Variants in GLB1L3 observed in about 807,000 individuals in gnomAD.
The protein encoded by GLB1L3 is galactosidase beta 1 like 3.
In GLB1L3, 89 loss-of-function variants were observed where a neutral mutation model predicts 89.5. The observed-to-expected ratio is 0.99, with a 90% CI of 0.84 to 1.19. GLB1L3 has a LOEUF of 1.19. GLB1L3 is among the 50% of genes most tolerant of loss of function. The pLI is 0.00. For synonymous variants in GLB1L3, 314 were observed against 312.3 expected (o/e 1.01, Z -0.06); for missense variants, 812 against 813.3 (o/e 1.00, Z 0.02).
intron 5 of GLB1L3, 103 bp from the exon 6 acceptor site, chr11:134,283,634 G>A (rs986245322): frequency 8.9e-4 from 564 of 632,758 alleles, no homozygotes; most frequent in Non-Finnish European, 6.5e-4. Flanking sequence ...GGGGGTGTGA[G>A]GCAGCTGGGC....
Position 134,314,346 on chromosome 11 carries a change from T to C in GLB1L3, c.1684T>C (p.Trp562Arg), listed in dbSNP as rs1248067869. ...TTCTTCCAGGCTCCGCTCTGCCACC[T>C]GGAAGCCTGTCCCAGACAGCCACCA... ...SFFERLRSAT[W>R]KPVPDSHQGP... is the part of the protein sequence containing the mutation. The change falls in exon 18 of 20, where the codon TGG (tryptophan) becomes CGG (arginine). Residue 562 changes from tryptophan (W) to arginine (R), a missense_variant. Physicochemically the swap from Trp to Arg is moderately radical, Grantham distance 101. Transcript: ENST00000431683. 3 of 1,549,386 alleles carry C rather than the reference T, an allele frequency of 1.9e-6. No individual in the cohort carries two copies. The highest frequency in any genetic ancestry group is 4.0e-5 in the Admixed American group (2 of 50,330).
intron 7 of GLB1L3, among the ~76,000 whole-genome samples, chr11:134,289,769 G>T (rs1941235720): frequency 6.6e-6 from 1 of 152,208 alleles, no homozygotes; most frequent in African/African-American, 2.4e-5. Context: ...GGACTGTCAG[G>T]CCAGGGAATA....
downstream of GLB1L3, among the ~76,000 whole-genome samples, chr11:134,321,655 A>G (rs1256915324): frequency 6.6e-6 from 1 of 152,202 alleles, no homozygotes; most frequent in East Asian, 1.9e-4. Context: ...CATTCTCAGC[A>G]AACTATCGCA....
chr11:134,295,667 T>G (rs1941594345), intron 9 of GLB1L3, among the ~76,000 whole-genome samples: 1 of 152,214 alleles, frequency 6.6e-6, no homozygotes, highest in Admixed American at 6.5e-5. Flanking sequence ...AGATTGCATT[T>G]GTTCTTTCTC....
chr11:134,284,113 C>G (rs1490692348), intron 6 of GLB1L3, among the ~76,000 whole-genome samples: 1 of 152,198 alleles, frequency 6.6e-6, no homozygotes, highest in Admixed American at 6.5e-5. Flanking sequence ...ATTCCTCAAG[C>G]TTGCCAATCT....
downstream of GLB1L3, among the ~76,000 whole-genome samples, chr11:134,321,923 A>C (rs887124483): frequency 6.7e-6 from 1 of 150,064 alleles, no homozygotes; most frequent in Non-Finnish European, 1.5e-5. Context: ...TATAATAAAA[A>C]AAAAAGTACA....
At position 134,277,433 on chromosome 11, in the gene GLB1L3, C is replaced by A. The variant is rs987685428; in HGVS notation, c.131C>A (p.Ala44Glu). ...GAAGAGAACTTCATGCTTGGAAGAG[C>A]GCATCCGTCCCAGCCTAGGTTTGCT... Reference protein sequence around the residue: ...KQEENFMLGRAHPSQPRFNWS... With the variant: ...KQEENFMLGREHPSQPRFNWS... Residue 44 changes from alanine (A) to glutamate (E), a missense_variant, in exon 2 of 20, where the codon GCG (alanine) becomes GAG (glutamate). By Grantham distance (107) the Ala-to-Glu change is moderately radical. This residue lies in a region of GLB1L3 where 191 missense variants were observed against 191.4 expected (regional missense o/e 1.00). Coordinates refer to ENST00000431683, the MANE Select transcript of GLB1L3 (RefSeq NM_001080407.3). 6.2e-7 allele frequency: 1 copy of A among 1,613,218 alleles called. No homozygotes were observed. The highest frequency in any genetic ancestry group is 8.5e-7 in the Non-Finnish European group (1 of 1,179,520).
chr11:134,290,157 CATCGGTTGTGTTCAGCCAGCATTATTTA>C (rs1941264967), intron 7 of GLB1L3, among the ~76,000 whole-genome samples: 4 of 152,160 alleles, frequency 2.6e-5, no homozygotes, highest in Non-Finnish European at 4.4e-5. Flanking sequence ...GGCTGCCCTG[CATCGGTTGTGTTCAGCCAGCATTATTTA>C]ATCGGTTGTA....
chr11:134,298,638 CA>C (rs1941779079), intron 9 of GLB1L3, among the ~76,000 whole-genome samples: 1 of 152,126 alleles, frequency 6.6e-6, no homozygotes, highest in Admixed American at 6.6e-5. Context: ...ATGGGTTTAT[CA>C]GGGGTTTCCA....
chr11:134,308,493 CACCAA>C (rs1565414039), intron 10 of GLB1L3, among the ~76,000 whole-genome samples: 17 of 11,706 alleles, frequency 1.5e-3, no homozygotes, highest in Non-Finnish European at 2.9e-3. Flanking sequence ...CCACCATCAC[CACCAA>C]ATACCACCAC....
chr11:134,319,746 G>A (rs1219285469), downstream of GLB1L3, among the ~76,000 whole-genome samples: 1 of 129,606 alleles, frequency 7.7e-6, no homozygotes, highest in African/African-American at 2.6e-5. Context: ...GTGTGTGTGT[G>A]TGCGCGCGCG....
chr11:134,289,006 C>T lies in GLB1L3; in HGVS notation c.729+116C>T, dbSNP rs138452398. 43 of 695,894 alleles carry T rather than the reference C, an allele frequency of 6.2e-5. No homozygotes were observed. In the African/African-American group the frequency reaches 6.7e-4, roughly 11 times the overall value. 43.1% of individuals were successfully genotyped at this position (695,894 alleles called of 1,614,324 possible). A position where few individuals can be genotyped will look rare whatever the true frequency, so the allele number is the denominator to read the frequency against. ...ACACTGTGCATTCTGAGAATGTTGG[C>T]CTGTGAACACGAGGTGCGGAGGGGT... On this transcript the variant is annotated intron_variant, in intron 7 of 19. Coordinates refer to ENST00000431683, the MANE Select transcript of GLB1L3 (RefSeq NM_001080407.3).
intron 10 of GLB1L3, among the ~76,000 whole-genome samples, chr11:134,308,253 TCACCACCAC>T (rs1201983105): frequency 2.3e-4 from 5 of 21,532 alleles, no homozygotes; most frequent in East Asian, 1.2e-3. Context: ...ATCACCACCA[TCACCACCAC>T]CACCACCACC....
chr11:134,305,802 AG>A (rs1278817316), intron 9 of GLB1L3, among the ~76,000 whole-genome samples: 1 of 152,176 alleles, frequency 6.6e-6, no homozygotes, highest in Non-Finnish European at 1.5e-5. Context: ...GTTAAGTAAG[AG>A]GGACAATCAG....
Position 134,319,108 on chromosome 11 carries a change from C to A in GLB1L3, c.*166C>A. On this transcript the variant is annotated 3_prime_UTR_variant, in exon 20 of 20. Coordinates refer to ENST00000431683, the MANE Select transcript of GLB1L3 (RefSeq NM_001080407.3). ...CAGCTGGGACTACAGGTGCACGCCA[C>A]CACGCCTGGCTAATTTTTTGTATTT... 1.7e-6 allele frequency: 1 copy of A among 580,632 alleles called. No individual in the cohort carries two copies. Among genetic ancestry groups the A allele is most frequent in the Non-Finnish European group, 3.1e-6 (1 of 327,442 alleles). 36.0% of individuals were successfully genotyped at this position (580,632 alleles called of 1,614,324 possible).
At chr11:134,319,931 A>G (rs943775865), downstream of GLB1L3, among the ~76,000 whole-genome samples, 2 of 152,156 alleles carry the variant, frequency 1.3e-5, no homozygotes, top group Non-Finnish European at 2.9e-5. Flanking sequence ...AAGCTAGCGC[A>G]GGGTTCTCTG....
At chr11:134,289,724 G>C (rs1376277320) in intron 7 of GLB1L3, among the ~76,000 whole-genome samples, 1 of 152,168 alleles carries the variant, frequency 6.6e-6, no homozygotes, top group South Asian at 2.1e-4. Context: ...TAAGATAAAC[G>C]TCGTCTCTTC....
At chr11:134,286,009 A>G (rs1446337206) in intron 6 of GLB1L3, among the ~76,000 whole-genome samples, 1 of 151,654 alleles carries the variant, frequency 6.6e-6, no homozygotes. Flanking sequence ...CCTGGGTTCA[A>G]GCAATTCTCC....
At chr11:134,308,466 A>ATGT (rs1395405707) in intron 10 of GLB1L3, among the ~76,000 whole-genome samples, 2 of 19,616 alleles carry the variant, frequency 1.0e-4, no homozygotes, top group African/African-American at 8.0e-4. Context: ...CACCACCACC[A>ATGT]CCACCAAATA....
Sources: allele counts gnomAD v4.1 joint callset (sites outside exome capture counted in the v4.1 genomes callset), GRCh38; gene constraint gnomAD v4.1.1; regional missense constraint gnomAD v4.1.1; transcripts MANE v1.5; gene names NCBI Gene and HGNC (gene_info 2026-07-23, HGNC 2026-07-21).